FFAR4: variants seen among roughly 807,000 people sequenced by gnomAD.
The protein encoded by FFAR4 is G-protein coupled receptor 120.
Under a neutral mutation model 27.0 loss-of-function variants are expected in FFAR4, and 19 were observed. The ratio of observed to expected loss-of-function variants is 0.70; its 90% CI spans 0.49 to 1.03. FFAR4 has a LOEUF of 1.03. Among genes scored for constraint, FFAR4 ranks in the 50% least tolerant of loss-of-function variants. The pLI, the probability that FFAR4 is intolerant of heterozygous loss-of-function variation, is 0.00. For missense variants in FFAR4, 476 were observed against 479.0 expected (o/e 0.99, Z 0.06); for synonymous variants, 254 against 215.6 (o/e 1.18, Z -1.56).
intron 1 of FFAR4, among the ~76,000 whole-genome samples, chr10:93,574,672 A>G (rs536336331): frequency 2.0e-5 from 3 of 152,142 alleles, no homozygotes; most frequent in African/African-American, 7.2e-5. Flanking sequence ...GCGGATCACA[A>G]GGTCAGGAGA....
chr10:93,566,990 C>G lies in FFAR4; in HGVS notation c.270C>G (p.Ser90Arg). ...NLFCADLLFI[S>R]AIPLVLAVRW... ...TCTGCGCGGACCTGCTCTTCATCAG[C>G]GCTATCCCTCTGGTGCTGGCCGTGC... Residue 90 changes from serine to arginine, a missense_variant, in exon 1 of 3, where the codon AGC becomes AGG. Ser to Arg is a moderately radical substitution (Grantham distance 110). Transcript: ENST00000371481. 1 of 1,611,990 alleles carries G rather than the reference C, an allele frequency of 6.2e-7. No individual in the cohort carries two copies. Among genetic ancestry groups the G allele is most frequent in the South Asian group, 1.1e-5 (1 of 91,084 alleles).
intron 2 of FFAR4, among the ~76,000 whole-genome samples, chr10:93,580,258 T>C (rs2058189884): frequency 6.6e-6 from 1 of 152,216 alleles, no homozygotes; most frequent in Admixed American, 6.5e-5. Flanking sequence ...TGAACATCAA[T>C]GTTAATTAGG....
chr10:93,586,241 C>T (rs1339035937), intron 2 of FFAR4, among the ~76,000 whole-genome samples: 3 of 152,162 alleles, frequency 2.0e-5, no homozygotes, highest in Non-Finnish European at 4.4e-5. Flanking sequence ...AGTAAGTTCT[C>T]ATGAAATCTG....
chr10:93,579,524 C>G (rs970256359), intron 2 of FFAR4, among the ~76,000 whole-genome samples: 3 of 152,180 alleles, frequency 2.0e-5, no homozygotes, highest in South Asian at 2.1e-4. Flanking sequence ...ATCTCCAATT[C>G]CTTATCCTGA....
intron 1 of FFAR4, among the ~76,000 whole-genome samples, chr10:93,571,935 A>G (rs1409769948): frequency 6.6e-6 from 1 of 152,188 alleles, no homozygotes; most frequent in Non-Finnish European, 1.5e-5. Flanking sequence ...AAACAGCTAG[A>G]ACTTATTTGC....
intron 1 of FFAR4, among the ~76,000 whole-genome samples, chr10:93,575,754 AAG>A (rs1336592952): frequency 6.6e-6 from 1 of 152,226 alleles, no homozygotes; most frequent in Non-Finnish European, 1.5e-5. Context: ...GCAGGCTTGG[AAG>A]AGAAGGCTCG....
chr10:93,576,164 T>C lies in FFAR4; in HGVS notation c.641T>C (p.Leu214Ser), dbSNP rs761210320. Residue 214 changes from leucine to serine, a missense_variant, in exon 2 of 3, where the codon TTG (leucine) becomes TCG (serine). Transcript: ENST00000371481. ...TCGTGGGATGTCTCTTTTGTTACTT[T>C]GAACTTCTTGGTGCCAGGACTGGTC... is the stretch of plus-strand genomic sequence containing the variant. ...EISWDVSFVT[L>S]NFLVPGLVIV... The C allele has an allele frequency of 1.9e-6, 3 of 1,614,200 alleles. No homozygotes were observed. The South Asian group carries it at 3.3e-5, about 18-fold the overall frequency.
chr10:93,567,368 T>G, intron 1 of FFAR4, 81 bp downstream of exon 1: 2 of 1,264,664 alleles, frequency 1.6e-6, no homozygotes, highest in South Asian at 1.4e-5. Context: ...GGGATGAGGA[T>G]GATCAAGAAC....
chr10:93,582,544 C>T (rs1405707302), intron 2 of FFAR4, among the ~76,000 whole-genome samples: 1 of 99,252 alleles, frequency 1.0e-5, no homozygotes, highest in East Asian at 3.1e-4. Flanking sequence ...AACTCCATCT[C>T]AAAAAAAAAA....
chr10:93,577,912 G>T (rs1456139823), intron 2 of FFAR4, among the ~76,000 whole-genome samples: 1 of 152,106 alleles, frequency 6.6e-6, no homozygotes, highest in South Asian at 2.1e-4. Context: ...CGAAGTGCTT[G>T]GGGGAAGGGA....
intron 1 of FFAR4, among the ~76,000 whole-genome samples, chr10:93,570,253 C>A (rs756289777): frequency 6.6e-5 from 10 of 151,342 alleles, no homozygotes; most frequent in African/African-American, 9.7e-5. Context: ...ACAGAAAAAA[C>A]CCAATTTCCT....
intron 1 of FFAR4, among the ~76,000 whole-genome samples, chr10:93,569,039 C>T (rs1320509505): frequency 1.3e-5 from 2 of 152,140 alleles, no homozygotes; most frequent in African/African-American, 2.4e-5. Flanking sequence ...AGGTGGGCCA[C>T]GCAGATGCCT....
intron 2 of FFAR4, among the ~76,000 whole-genome samples, chr10:93,577,364 T>C (rs1221960159): frequency 6.6e-6 from 1 of 152,220 alleles, no homozygotes; most frequent in Non-Finnish European, 1.5e-5. Context: ...GCCCTTTCTT[T>C]GCAGCTAAGG....
At chr10:93,579,253 T>C in intron 2 of FFAR4, 1 of 1,503,584 alleles carries the variant, frequency 6.7e-7, no homozygotes, top group South Asian at 1.1e-5. Flanking sequence ...AATATGTAAT[T>C]TACATTCCAT....
In FFAR4 at chr10:93,566,807, C is replaced by T. The variant is rs146373216; in HGVS notation, c.87C>T (p.Ser29=). 11 of 1,607,220 alleles carry T rather than the reference C, an allele frequency of 6.8e-6. No individual in the cohort carries two copies. The African/African-American group carries it at 1.3e-4, about 20-fold the overall frequency. Residue 29 remains serine, a synonymous_variant, in exon 1 of 3, where the codon TCC becomes TCT. Coordinates refer to ENST00000371481, the MANE Select transcript of FFAR4 (RefSeq NM_001195755.2). ...QANRTRFPFF[S]DVKGDHRLVL... ...ACCGCACCCGCTTTCCCTTCTTCTC[C>T]GACGTCAAGGGCGACCACCGGCTGG...
chr10:93,567,549 G>C (rs1043968207), intron 1 of FFAR4, among the ~76,000 whole-genome samples: 1 of 152,202 alleles, frequency 6.6e-6, no homozygotes, highest in Non-Finnish European at 1.5e-5. Flanking sequence ...GTTAATTAAC[G>C]AGTAGTTTAG....
intron 2 of FFAR4, among the ~76,000 whole-genome samples, chr10:93,584,159 A>C (rs1589679599): frequency 1.3e-5 from 2 of 152,248 alleles, no homozygotes; most frequent in Non-Finnish European, 2.9e-5. Context: ...CACAAGTTCT[A>C]GTTTTGATTC....
intron 1 of FFAR4, among the ~76,000 whole-genome samples, chr10:93,568,087 G>T (rs1310885563): frequency 5.3e-5 from 8 of 152,190 alleles, no homozygotes; most frequent in Admixed American, 5.2e-4. Flanking sequence ...TCTGCGGATA[G>T]TGCAGGACAT....
Position 93,566,689 on chromosome 10 carries a change from C to G in FFAR4, c.-32C>G. The G allele has an allele frequency of 1.4e-6, 2 of 1,438,270 alleles. No individual in the cohort carries two copies. Among genetic ancestry groups the G allele is most frequent in the Non-Finnish European group, 1.9e-6 (2 of 1,065,470 alleles). 89.1% of individuals were successfully genotyped at this position (1,438,270 alleles called of 1,614,324 possible). A position where few individuals can be genotyped will look rare whatever the true frequency, so the allele number is the denominator to read the frequency against. Reference sequence around the variant, plus strand: ...CAGTCGCCTCCCAGATGAGCACTCTCTCAGACCGCTGCGGGCCGCCAGGCG... The same window carrying G: ...CAGTCGCCTCCCAGATGAGCACTCTGTCAGACCGCTGCGGGCCGCCAGGCG... On this transcript the variant is annotated 5_prime_UTR_variant, in exon 1 of 3. Transcript: ENST00000371481.
Sources: allele counts gnomAD v4.1 joint callset (sites outside exome capture counted in the v4.1 genomes callset), GRCh38; gene constraint gnomAD v4.1.1; transcripts MANE v1.5; gene names NCBI Gene and HGNC (gene_info 2026-07-23, HGNC 2026-07-21).